The following SIRT4 variants were observed in gnomAD, a reference collection of about 807,000 sequenced individuals.
The protein encoded by SIRT4 is sirtuin 4.
SIRT4 carries 23 observed loss-of-function variants against 26.1 expected under a neutral mutation model. The observed-to-expected ratio is 0.88, with a 90% CI of 0.63 to 1.25. The LOEUF is 1.25. SIRT4 is among the 50% of genes most tolerant of loss of function. The pLI, the probability that SIRT4 is intolerant of heterozygous loss-of-function variation, is 0.00. For missense variants in SIRT4, 361 were observed against 405.4 expected (o/e 0.89, Z 0.94); for synonymous variants, 155 against 158.4 (o/e 0.98, Z 0.16).
At chr12:120,302,966 G>A (rs1165777611) in intron 1 of SIRT4, among the ~76,000 whole-genome samples, 1 of 151,022 alleles carries the variant, frequency 6.6e-6, no homozygotes, top group Non-Finnish European at 1.5e-5. Flanking sequence ...CAAGTGATCT[G>A]CCTGCGTCGG....
chr12:120,301,590 G>C (rs1194066661), upstream of SIRT4, among the ~76,000 whole-genome samples: 1 of 150,240 alleles, frequency 6.7e-6, no homozygotes, highest in South Asian at 2.1e-4. Context: ...ACCTGAGGTC[G>C]GGAGTTCGAG....
rs201127747 is a variant in SIRT4, at chr12:120,302,327, G to A, written c.-53G>A. The stretch of plus-strand genomic sequence containing the variant: ...GGACTACATGTCCCAAAATGCAAAT[G>A]CAATCAGACGGTCCCACTGTGGGGT... On this transcript the variant is annotated 5_prime_UTR_variant, in exon 1 of 4. The change abolishes an upstream ATG in the 5' untranslated region. Coordinates refer to ENST00000202967, the MANE Select transcript of SIRT4 (RefSeq NM_012240.3). The A allele has an allele frequency of 6.6e-6, 1 of 152,190 alleles. No homozygotes were observed. Among genetic ancestry groups the A allele is most frequent in the Admixed American group, 6.6e-5 (1 of 15,250 alleles). The allele number at this position is 152,190 out of a possible 1,614,324, so 9.4% of individuals were successfully genotyped here.
intron 2 of SIRT4, among the ~76,000 whole-genome samples, chr12:120,304,540 C>T (rs897190109): frequency 6.6e-6 from 1 of 151,214 alleles, no homozygotes; most frequent in South Asian, 2.1e-4. Flanking sequence ...ATCCCAGCTG[C>T]TTGGGAGGCT....
the SIRT4 span, chr12:120,293,007 T>C: frequency 9.2e-5 from 14 of 151,962 alleles, no homozygotes; most frequent in East Asian, 3.9e-4. Flanking sequence ...ATTTAGAGAG[T>C]TTGCGAACAA....
chr12:120,310,516 C>T (rs1872918277), intron 2 of SIRT4, among the ~76,000 whole-genome samples: 1 of 152,072 alleles, frequency 6.6e-6, no homozygotes, highest in Admixed American at 6.6e-5. Flanking sequence ...CCATGCCTGG[C>T]CACAGGGGTT....
At chr12:120,305,875 G>A (rs1271612866) in intron 2 of SIRT4, among the ~76,000 whole-genome samples, 2 of 152,076 alleles carry the variant, frequency 1.3e-5, no homozygotes, top group Non-Finnish European at 1.5e-5. Context: ...AGCTGGGCGC[G>A]GTGGCGGACG....
At chr12:120,292,194 G>GT in the SIRT4 span, among the ~76,000 whole-genome samples, 1 of 152,252 alleles carries the variant, frequency 6.6e-6, no homozygotes, top group Non-Finnish European at 1.5e-5. Context: ...AGAGTGAGCA[G>GT]TGGGAAAGCG....
At chr12:120,304,656 A>G (rs1013827447) in intron 2 of SIRT4, among the ~76,000 whole-genome samples, 3 of 151,084 alleles carry the variant, frequency 2.0e-5, no homozygotes, top group African/African-American at 7.3e-5. Context: ...AAAAAGAAAA[A>G]AAAAAGTTGA....
At chr12:120,298,517 A>G (rs559402342), upstream of SIRT4, among the ~76,000 whole-genome samples, 57 of 151,800 alleles carry the variant, frequency 3.8e-4, no homozygotes, top group South Asian at 6.3e-4. Context: ...GTTTGAGTCC[A>G]AGAGGTTGAG....
intron 2 of SIRT4, among the ~76,000 whole-genome samples, chr12:120,304,495 C>T (rs1419654199): frequency 6.6e-6 from 1 of 151,750 alleles, no homozygotes; most frequent in Non-Finnish European, 1.5e-5. Context: ...ACTAAAAATA[C>T]AAAAATTAGC....
At chr12:120,304,833 A>AT (rs1872688104) in intron 2 of SIRT4, among the ~76,000 whole-genome samples, 2 of 8,222 alleles carry the variant, frequency 2.4e-4, no homozygotes, top group Non-Finnish European at 7.7e-4. Context: ...ATATATATAT[A>AT]TATTTTTTTT....
At chr12:120,294,500 A>G in the SIRT4 span, among the ~76,000 whole-genome samples, 1 of 150,810 alleles carries the variant, frequency 6.6e-6, no homozygotes, top group Non-Finnish European at 1.5e-5. Context: ...CAGGTGATCC[A>G]CCCGCCTTGG....
upstream of SIRT4, among the ~76,000 whole-genome samples, chr12:120,297,555 GA>G (rs1419657198): frequency 1.3e-5 from 2 of 150,062 alleles, no homozygotes; most frequent in East Asian, 3.9e-4. Context: ...AAGAAAGAAA[GA>G]AAAAACAAAA....
upstream of SIRT4, among the ~76,000 whole-genome samples, chr12:120,297,340 A>AAAAG (rs1555327923): frequency 4.4e-5 from 5 of 114,080 alleles, no homozygotes; most frequent in African/African-American, 1.6e-4. Context: ...AAAAAAAAAA[A>AAAAG]AGAGAGAGAG....
rs1873027692 is a variant in SIRT4 at position 120,312,573 on chromosome 12, C to T, written c.615C>T (p.Val205=). ...ATGGCCTGGCTCCTGATGGTGACGT[C>T]TTTCTCTCAGAGGAGCAAGTCCGGA... ...EAHGLAPDGD[V]FLSEEQVRSF... Residue 205 remains valine, a synonymous_variant, in exon 3 of 4, where the codon GTC becomes GTT. Coordinates refer to ENST00000202967, the MANE Select transcript of SIRT4 (RefSeq NM_012240.3). The T allele has an allele frequency of 6.2e-7, 1 of 1,614,072 alleles. No individual in the cohort carries two copies. The highest frequency in any genetic ancestry group is 1.1e-5 in the South Asian group (1 of 91,094).
At chr12:120,310,410 G>A (rs533204229) in intron 2 of SIRT4, among the ~76,000 whole-genome samples, 6 of 151,998 alleles carry the variant, frequency 3.9e-5, no homozygotes, top group African/African-American at 4.8e-5. Flanking sequence ...TAGAGAGAGC[G>A]TCTTGCTGTC....
At chr12:120,294,829 T>C in the SIRT4 span, among the ~76,000 whole-genome samples, 1 of 132,190 alleles carries the variant, frequency 7.6e-6, no homozygotes, top group African/African-American at 2.9e-5. Flanking sequence ...CTGTTTATCC[T>C]TTTTTTTTTT....
At chr12:120,310,824 C>T (rs1283980055) in intron 2 of SIRT4, among the ~76,000 whole-genome samples, 3 of 151,402 alleles carry the variant, frequency 2.0e-5, no homozygotes, top group African/African-American at 4.8e-5. Flanking sequence ...CAAGCTCCGC[C>T]TCCCGGGTTC....
rs200530210 is a variant in SIRT4 at position 120,312,499 on chromosome 12, C to T, written c.541C>T (p.Leu181=). 1.2e-5 allele frequency: 20 copies of T among 1,613,926 alleles called. 1 individual carries two copies. In the Admixed American group the frequency reaches 3.2e-4, roughly 26 times the overall value. The part of the protein sequence containing the change: ...DCGEQTPRGV[L]QERFQVLNPT... ...TGGGGAACAGACTCCCCGGGGGGTG[C>T]TGCAAGAGCGTTTCCAAGTCCTGAA... Residue 181 remains leucine (L), a synonymous_variant, in exon 3 of 4, where the codon CTG becomes TTG. Coordinates refer to ENST00000202967, the MANE Select transcript of SIRT4 (RefSeq NM_012240.3).
Sources: allele counts gnomAD v4.1 joint callset (sites outside exome capture counted in the v4.1 genomes callset), GRCh38; gene constraint gnomAD v4.1.1; transcripts MANE v1.5; gene names NCBI Gene and HGNC (gene_info 2026-07-23, HGNC 2026-07-21).